Variants in ADH6 observed in about 807,000 individuals in gnomAD.
ADH6 encodes the protein alcohol dehydrogenase 6 (class V).
In ADH6, 34 loss-of-function variants were observed where a neutral mutation model predicts 36.5. The ratio of observed to expected loss-of-function variants is 0.93; its 90% CI spans 0.71 to 1.24. ADH6 has a LOEUF of 1.24. Among genes scored for constraint, ADH6 ranks in the 50% most tolerant of loss-of-function variants. The pLI is 0.00. For synonymous variants in ADH6, 161 were observed against 155.5 expected (o/e 1.04, Z -0.26); for missense variants, 440 against 447.0 (o/e 0.98, Z 0.14).
rs775331550 is a variant in ADH6, at chr4:99,208,673, C to T, written c.823G>A (p.Val275Ile). ...FCFEAIGNLDVLAAALASCNE... is the reference protein window; with the variant it reads ...FCFEAIGNLDILAAALASCNE... ...CACTCCAGAGGATTACATACCAGAA[C>T]GTCCAGATTTCCAATGGCCTCAAAG... Residue 275 changes from valine to isoleucine, a missense_variant, in exon 6 of 9, where the codon GTT becomes ATT. By Grantham distance (29) the Val-to-Ile change is conservative (BLOSUM62 3). Transcript: ENST00000394899. 3.0e-5 allele frequency: 49 copies of T among 1,612,112 alleles called. No individual in the cohort carries two copies. The highest frequency in any genetic ancestry group is 3.6e-5 in the Non-Finnish European group (42 of 1,179,096).
In ADH6 at chr4:99,216,151, T is replaced by C; in HGVS notation, c.120+10A>G. On this transcript the variant is annotated intron_variant, in intron 2 of 8. Transcript: ENST00000394899. ...TTTGGTGTGATTTTTTTTTTTTTTT[T>C]TTTTTTTACCTTTATGCGAACTTCC... The C allele has an allele frequency of 7.0e-7, 1 of 1,433,118 alleles. No homozygotes were observed. The highest frequency in any genetic ancestry group is 9.3e-7 in the Non-Finnish European group (1 of 1,079,820). 88.8% of individuals were successfully genotyped at this position (1,433,118 alleles called of 1,614,324 possible).
chr4:99,210,814 T>C (rs1023051756), intron 3 of ADH6, among the ~76,000 whole-genome samples: 4 of 152,162 alleles, frequency 2.6e-5, no homozygotes, highest in Non-Finnish European at 5.9e-5. Context: ...AAGTCTTATC[T>C]CTTCTCAACA....
chr4:99,204,746 T>C (rs979858056), intron 8 of ADH6, 179 bp downstream of exon 8: 51 of 1,285,794 alleles, frequency 4.0e-5, no homozygotes, highest in Non-Finnish European at 4.5e-5. Flanking sequence ...TGTATTTTAT[T>C]AGCTAGAAAT....
At position 99,203,082 on chromosome 4, in the gene ADH6, G is replaced by C. The variant is rs1307137727; in HGVS notation, c.*1137C>G. 3.1e-6 allele frequency: 1 copy of C among 322,478 alleles called. No individual in the cohort carries two copies. The highest frequency in any genetic ancestry group is 2.1e-5 in the African/African-American group (1 of 46,896). 20.0% of individuals were successfully genotyped at this position (322,478 alleles called of 1,614,324 possible). ...CAGTGTTAAATCAGGAAACTATTTT[G>C]TTTAGATCAAAAAATGATATTCCAT... On this transcript the variant is annotated 3_prime_UTR_variant, in exon 9 of 9. Transcript: ENST00000394899.
At chr4:99,204,384 A>C in intron 8 of ADH6, 141 bp from the exon 9 acceptor site, 1 of 1,423,812 alleles carries the variant, frequency 7.0e-7, no homozygotes. Flanking sequence ...TAAATAAGCC[A>C]TGGGAAGATT....
intron 1 of ADH6, among the ~76,000 whole-genome samples, 196 bp downstream of exon 1, chr4:99,218,939 T>C (rs1344378451): frequency 2.6e-5 from 4 of 152,154 alleles, no homozygotes; most frequent in Non-Finnish European, 5.9e-5. Flanking sequence ...ACATTACTTA[T>C]TGAAGAGATG....
At chr4:99,208,980 C>G (rs1187422030) in intron 5 of ADH6, 52 bp from the exon 6 acceptor site, 2 of 1,552,780 alleles carry the variant, frequency 1.3e-6, no homozygotes, top group African/African-American at 2.8e-5. Flanking sequence ...AGAGAACATA[C>G]ACCTTTACTC....
rs748649450 is a variant in ADH6, at chr4:99,208,744, A to G, written c.752T>C (p.Ile251Thr). The G allele has an allele frequency of 6.2e-7, 1 of 1,613,870 alleles. No homozygotes were observed. The highest frequency in any genetic ancestry group is 1.1e-5 in the South Asian group (1 of 91,080). The change falls in exon 6 of 9, where the codon ATT (isoleucine) becomes ACT (threonine). Residue 251 changes from isoleucine (I) to threonine (T), a missense_variant. Ile to Thr is a moderately conservative substitution (Grantham distance 89, BLOSUM62 -1). Coordinates refer to ENST00000394899, the MANE Select transcript of ADH6 (RefSeq NM_001102470.2). Reference protein sequence around the residue: ...CLNPQDLKKPIQEVLFDMTDA... With the variant: ...CLNPQDLKKPTQEVLFDMTDA... Reference sequence around the variant, plus strand: ...TGTCATATCAAATAAAACTTCTTGAATGGGTTTCTTTAAGTCCTGAGGGTT... The same window carrying G: ...TGTCATATCAAATAAAACTTCTTGAGTGGGTTTCTTTAAGTCCTGAGGGTT...
chr4:99,206,442 G>C (rs1228222716), intron 7 of ADH6, among the ~76,000 whole-genome samples: 1 of 151,932 alleles, frequency 6.6e-6, no homozygotes, highest in Non-Finnish European at 1.5e-5. Context: ...TGTGTATTTT[G>C]AATTAACATT....
At chr4:99,206,200 G>A (rs1196961848) in intron 7 of ADH6, among the ~76,000 whole-genome samples, 1 of 152,038 alleles carries the variant, frequency 6.6e-6, no homozygotes, top group Non-Finnish European at 1.5e-5. Flanking sequence ...ATTTTGGGTG[G>A]GGAACATTCT....
Position 99,210,115 on chromosome 4 carries a change from G to A in ADH6, c.534C>T (p.Ser178=). ...EKVCLISCGF[S]TGFGAAINTA... is the part of the protein sequence containing the mutation. Reference sequence around the variant, plus strand: ...TATTGATTGCAGCACCAAACCCAGTGGAAAAGCCACAGCTAATTAGGCATA... The same window carrying A: ...TATTGATTGCAGCACCAAACCCAGTAGAAAAGCCACAGCTAATTAGGCATA... Residue 178 remains serine, a synonymous_variant, in exon 5 of 9, where the codon TCC becomes TCT. Coordinates refer to ENST00000394899, the MANE Select transcript of ADH6 (RefSeq NM_001102470.2). The A allele has an allele frequency of 6.2e-7, 1 of 1,613,704 alleles. No homozygotes were observed. The highest frequency in any genetic ancestry group is 1.7e-5 in the Admixed American group (1 of 59,972).
intron 3 of ADH6, among the ~76,000 whole-genome samples, chr4:99,211,874 AG>A (rs1481946678): frequency 6.6e-6 from 1 of 152,136 alleles, no homozygotes; most frequent in African/African-American, 2.4e-5. Context: ...TAAGGATCTC[AG>A]TCCTATAGCC....
chr4:99,216,618 G>A (rs184159427), intron 1 of ADH6, among the ~76,000 whole-genome samples: 3 of 152,028 alleles, frequency 2.0e-5, no homozygotes, highest in East Asian at 1.9e-4. Context: ...AGGTCGAGGC[G>A]GGCGGATCAC....
intron 6 of ADH6, 58 bp downstream of exon 6, chr4:99,208,610 T>C (rs1731118462): frequency 3.9e-6 from 6 of 1,530,480 alleles, no homozygotes; most frequent in African/African-American, 1.4e-5. Context: ...CATTCAACTA[T>C]AATCTAAACG....
In ADH6 at chr4:99,202,992, C is replaced by T. The variant is rs1730908073; in HGVS notation, c.*1227G>A. ...ATAAGAATCAGACTGTTATGAGAGT[C>T]CTTTGATATCATGTGAAAACCATGA... On this transcript the variant is annotated 3_prime_UTR_variant, in exon 9 of 9. Coordinates refer to ENST00000394899, the MANE Select transcript of ADH6 (RefSeq NM_001102470.2). 1 of 392,750 alleles carries T rather than the reference C, an allele frequency of 2.5e-6. No individual in the cohort carries two copies. Among genetic ancestry groups the T allele is most frequent in the Admixed American group, 4.4e-5 (1 of 22,610 alleles). 24.3% of individuals were successfully genotyped at this position (392,750 alleles called of 1,614,324 possible). A position where few individuals can be genotyped will look rare whatever the true frequency, so the allele number is the denominator to read the frequency against.
intron 2 of ADH6, among the ~76,000 whole-genome samples, chr4:99,214,973 G>A (rs141647863): frequency 1.1e-4 from 16 of 152,250 alleles, no homozygotes; most frequent in South Asian, 2.1e-4. Context: ...TTTGCTGATC[G>A]TGGTTAAAAA....
intron 1 of ADH6, among the ~76,000 whole-genome samples, chr4:99,216,625 T>C (rs1365124812): frequency 6.6e-6 from 1 of 151,936 alleles, no homozygotes; most frequent in Admixed American, 6.6e-5. Context: ...GGCGGGCGGA[T>C]CACAAGGTCG....
Position 99,205,019 on chromosome 4 carries a change from T to C in ADH6, c.1009A>G (p.Met337Val). 1 of 1,607,502 alleles carries C rather than the reference T, an allele frequency of 6.2e-7. No homozygotes were observed. Among genetic ancestry groups the C allele is most frequent in the Non-Finnish European group, 8.5e-7 (1 of 1,177,000 alleles). The stretch of plus-strand genomic sequence containing the variant: ...GGATCTAGATTCAACTTCTCTGCCA[T>C]ATAATCAGCAACCAGTTTAGGGATG... Reference protein sequence around the residue: ...QHIPKLVADYMAEKLNLDPLI... With the variant: ...QHIPKLVADYVAEKLNLDPLI... Residue 337 changes from methionine (M) to valine (V), a missense_variant, in exon 8 of 9, where the codon ATG (methionine) becomes GTG (valine). Met to Val is a conservative substitution (Grantham distance 21). Transcript: ENST00000394899.
intron 3 of ADH6, among the ~76,000 whole-genome samples, chr4:99,211,893 A>G (rs1184125694): frequency 6.6e-6 from 1 of 152,116 alleles, no homozygotes; most frequent in African/African-American, 2.4e-5. Flanking sequence ...GCCTCAAGGA[A>G]TTGGATTCTG....
Sources: allele counts gnomAD v4.1 joint callset (sites outside exome capture counted in the v4.1 genomes callset), GRCh38; gene constraint gnomAD v4.1.1; transcripts MANE v1.5; gene names NCBI Gene and HGNC (gene_info 2026-07-23, HGNC 2026-07-21).